SIPA1L3: variants seen among roughly 807,000 people sequenced by gnomAD.
SIPA1L3 encodes the protein signal-induced proliferation-associated 1-like protein 3.
Under a neutral mutation model 150.1 loss-of-function variants are expected in SIPA1L3, and 59 were observed. The observed-to-expected ratio is 0.39, with a 90% CI of 0.32 to 0.49. The LOEUF (loss-of-function observed/expected upper bound fraction) is 0.49. Ranked by LOEUF, SIPA1L3 falls within the 20% of genes least tolerant of loss-of-function variation. The pLI is 0.86. For missense variants in SIPA1L3, 2,211 were observed against 2,489.5 expected, an observed-to-expected ratio of 0.89 and a Z score of 2.38; for synonymous variants, 1,070 against 1,077.6, an observed-to-expected ratio of 0.99 and a Z score of 0.14.
At chr19:38,195,235 C>T (rs1972896686) in intron 18 of SIPA1L3, among the ~76,000 whole-genome samples, 1 of 152,210 alleles carries the variant, frequency 6.6e-6, no homozygotes, top group South Asian at 2.1e-4. Flanking sequence ...GCCCGCCATG[C>T]TCTTCCCTCA....
chr19:38,042,076 T>C (rs993780593), intron 2 of SIPA1L3, among the ~76,000 whole-genome samples: 6 of 152,256 alleles, frequency 3.9e-5, no homozygotes, highest in Non-Finnish European at 7.3e-5. Context: ...TATTTATTTT[T>C]GCTTTTGTAG....
At chr19:38,011,609 C>CGT (rs1346123622) in intron 1 of SIPA1L3, among the ~76,000 whole-genome samples, 4 of 152,190 alleles carry the variant, frequency 2.6e-5, no homozygotes, top group Non-Finnish European at 5.9e-5. Context: ...TAGAGCCACA[C>CGT]GTGCAAAGGC....
chr19:38,112,408 G>A (rs931619516), intron 8 of SIPA1L3, among the ~76,000 whole-genome samples: 10 of 151,948 alleles, frequency 6.6e-5, no homozygotes, highest in South Asian at 4.1e-4. Context: ...TCTCTTCTTC[G>A]TCCCCACTCT....
rs191318738 is a variant in SIPA1L3 at position 37,971,097 on chromosome 19, T to A, written c.-378-57992T>A. On this transcript the variant is annotated intron_variant, in intron 1 of 21. Coordinates refer to ENST00000222345, the MANE Select transcript of SIPA1L3 (RefSeq NM_015073.3). ...ATGTGTGTTAAAATTTGCCCTTTTT[T>A]AAAAATTTATTCCTCCCCCACCTCC... Among the ~76,000 whole-genome samples the A allele has an allele frequency of 3.1e-3, 470 of 152,232 alleles. 2 individuals carry two copies. Among genetic ancestry groups the A allele is most frequent in the African/African-American group, 9.0e-3 (375 of 41,534 alleles).
At chr19:38,040,121 AAG>A (rs1292221188) in intron 2 of SIPA1L3, among the ~76,000 whole-genome samples, 3 of 152,296 alleles carry the variant, frequency 2.0e-5, no homozygotes, top group Admixed American at 1.3e-4. Context: ...TCAAGGAAAA[AAG>A]AGAAAATTGG....
chr19:37,941,087 T>TACACACACACACACAC (rs59368800), intron 1 of SIPA1L3, among the ~76,000 whole-genome samples: 23 of 128,632 alleles, frequency 1.8e-4, no homozygotes, highest in South Asian at 2.5e-4. Context: ...CACACACACA[T>TACACACACACACACAC]ACACACACAC....
intron 15 of SIPA1L3, among the ~76,000 whole-genome samples, chr19:38,178,695 C>A (rs746877049): frequency 6.6e-6 from 1 of 152,116 alleles, no homozygotes; most frequent in Non-Finnish European, 1.5e-5. Flanking sequence ...CCAGGATGGT[C>A]TCGATCTCCT....
At chr19:38,093,134 C>CA (rs1171619777) in intron 4 of SIPA1L3, among the ~76,000 whole-genome samples, 2 of 152,132 alleles carry the variant, frequency 1.3e-5, no homozygotes, top group Non-Finnish European at 2.9e-5. Flanking sequence ...GCCGGGATTA[C>CA]AGGCATGAGC....
chr19:38,129,323 C>T (rs953054826), intron 9 of SIPA1L3, among the ~76,000 whole-genome samples: 2 of 152,112 alleles, frequency 1.3e-5, no homozygotes, highest in African/African-American at 4.8e-5. Context: ...AGGGTTTCTT[C>T]CTCCAAGAAT....
At chr19:38,144,070 G>A (rs1206117340) in intron 12 of SIPA1L3, among the ~76,000 whole-genome samples, 1 of 152,014 alleles carries the variant, frequency 6.6e-6, no homozygotes, top group Non-Finnish European at 1.5e-5. Flanking sequence ...CACACTCCTC[G>A]CCCACACTCC....
intron 1 of SIPA1L3, among the ~76,000 whole-genome samples, chr19:37,932,959 C>A (rs2046569004): frequency 6.6e-6 from 1 of 151,684 alleles, no homozygotes; most frequent in African/African-American, 2.4e-5. Flanking sequence ...GACTTCTGTG[C>A]CGGGGCTGGG....
At chr19:38,147,480 G>A (rs1475182704) in intron 12 of SIPA1L3, among the ~76,000 whole-genome samples, 2 of 149,860 alleles carry the variant, frequency 1.3e-5, no homozygotes, top group Non-Finnish European at 3.0e-5. Context: ...AGATTTTCTC[G>A]TTTTTTTTTC....
rs76752124 is a variant in SIPA1L3 at position 37,970,846 on chromosome 19, C to T, written c.-378-58243C>T. Among the ~76,000 whole-genome samples, 1,089 of 152,274 alleles carry T rather than the reference C, an allele frequency of 7.2e-3. 36 individuals carry two copies. Among genetic ancestry groups the T allele is most frequent in the East Asian group, 0.066 (343 of 5,180 alleles). ...ACCCAGGATAGTAGTGGCTTAAATGCGAGGGCAGTTTATTTCCCTCCTGTG... is the reference window on the plus strand; with the variant it reads ...ACCCAGGATAGTAGTGGCTTAAATGTGAGGGCAGTTTATTTCCCTCCTGTG... On this transcript the variant is annotated intron_variant, in intron 1 of 21. Transcript: ENST00000222345.
chr19:37,982,792 C>T (rs754077417), intron 1 of SIPA1L3, among the ~76,000 whole-genome samples: 6 of 152,228 alleles, frequency 3.9e-5, no homozygotes, highest in Middle Eastern at 6.8e-3. Context: ...GGGAGAGAGG[C>T]TGGGGCTGGA....
rs566895397 is a variant in SIPA1L3 at position 38,088,702 on chromosome 19, G to A, written c.1535-19G>A. On this transcript the variant is annotated intron_variant, in intron 3 of 21. Coordinates refer to ENST00000222345, the MANE Select transcript of SIPA1L3 (RefSeq NM_015073.3). ...TTCCCAGACAGCTGAGCCTGAACTC[G>A]CCTGCTCTTCCTTCTTAGAACATGC... The A allele has an allele frequency of 3.0e-5, 48 of 1,610,856 alleles. No homozygotes were observed. The highest frequency in any genetic ancestry group is 2.3e-4 in the African/African-American group (17 of 74,946).
intron 4 of SIPA1L3, among the ~76,000 whole-genome samples, chr19:38,095,016 A>C (rs958709566): frequency 6.6e-6 from 1 of 152,226 alleles, no homozygotes; most frequent in Non-Finnish European, 1.5e-5. Context: ...CAGAGGTTGC[A>C]GTGAGCCAAA....
chr19:38,001,669 C>T (rs1967810620), intron 1 of SIPA1L3, among the ~76,000 whole-genome samples: 1 of 152,204 alleles, frequency 6.6e-6, no homozygotes, highest in Non-Finnish European at 1.5e-5. Context: ...TCAAAGCAAT[C>T]CTGCCGCCTT....
chr19:38,033,474 G>A (rs1301382934), intron 2 of SIPA1L3, among the ~76,000 whole-genome samples: 1 of 152,088 alleles, frequency 6.6e-6, no homozygotes, highest in African/African-American at 2.4e-5. Context: ...AATCACTTGA[G>A]GCCAAGAGTT....
chr19:37,913,783 G>A (rs979837619), intron 1 of SIPA1L3, among the ~76,000 whole-genome samples: 12 of 151,258 alleles, frequency 7.9e-5, no homozygotes, highest in African/African-American at 2.9e-4. Context: ...TTGGGAGGCT[G>A]AGGCGGGCAG....
Sources: allele counts gnomAD v4.1 joint callset (sites outside exome capture counted in the v4.1 genomes callset), GRCh38; gene constraint gnomAD v4.1.1; transcripts MANE v1.5; gene names NCBI Gene and HGNC (gene_info 2026-07-23, HGNC 2026-07-21).